COPA: variants seen among roughly 807,000 people sequenced by gnomAD.
COPA encodes the protein coatomer subunit alpha.
In COPA, 10 loss-of-function variants were observed where a neutral mutation model predicts 158.7. The observed-to-expected ratio is 0.06, with a 90% CI of 0.04 to 0.11. The LOEUF is 0.11. Ranked by LOEUF, COPA falls within the 10% of genes least tolerant of loss-of-function variation. The pLI is 1.00. For missense variants in COPA, 1,065 were observed against 1,536.7 expected, an observed-to-expected ratio of 0.69 and a Z score of 5.13; for synonymous variants, 462 against 542.8, an observed-to-expected ratio of 0.85 and a Z score of 2.07.
Position 160,290,597 on chromosome 1 carries a change from A to G in COPA, c.3510T>C (p.Ala1170=). 1 of 1,614,242 alleles carries G rather than the reference A, an allele frequency of 6.2e-7. No homozygotes were observed. ...CACGGTAGATGGGCCGATATGATGC[A>G]GCACAAATGTCAAAGGGGTTGTGCA... The part of the protein sequence containing the change: ...YDMHNPFDIC[A]ASYRPIYRGK... Residue 1170 remains alanine (A), a synonymous_variant, in exon 32 of 33, where the codon GCT becomes GCC. Transcript: ENST00000241704.
At chr1:160,300,898 C>G (rs1041288704) in intron 17 of COPA, among the ~76,000 whole-genome samples, 1 of 152,078 alleles carries the variant, frequency 6.6e-6, no homozygotes, top group Non-Finnish European at 1.5e-5. Flanking sequence ...GCAGGCGGAT[C>G]ACCTGAGGTC....
intron 17 of COPA, among the ~76,000 whole-genome samples, chr1:160,302,344 T>A (rs1440756192): frequency 6.6e-6 from 1 of 151,982 alleles, no homozygotes; most frequent in Non-Finnish European, 1.5e-5. Flanking sequence ...AAATGCAAGA[T>A]CTCTATAGAG....
chr1:160,313,892 T>C lies in COPA; in HGVS notation c.842+98A>G, dbSNP rs1218031495. The C allele has an allele frequency of 4.3e-6, 5 of 1,155,994 alleles. No individual in the cohort carries two copies. The African/African-American group carries it at 7.9e-5, about 18-fold the overall frequency. 71.6% of individuals were successfully genotyped at this position (1,155,994 alleles called of 1,614,324 possible). On this transcript the variant is annotated intron_variant, in intron 9 of 32. Transcript: ENST00000241704. ...TTCATAATATATGATTTGATTTGTCTACATGCTGAAGATGATGAGAGACAT... is the reference window on the plus strand; with the variant it reads ...TTCATAATATATGATTTGATTTGTCCACATGCTGAAGATGATGAGAGACAT...
At chr1:160,295,556 A>G (rs1026989039) in intron 23 of COPA, among the ~76,000 whole-genome samples, 180 bp downstream of exon 23, 1 of 152,148 alleles carries the variant, frequency 6.6e-6, no homozygotes, top group Non-Finnish European at 1.5e-5. Flanking sequence ...ATTTTCTTTA[A>G]TGACCTGAAA....
intron 32 of COPA, 136 bp downstream of exon 32, chr1:160,290,356 G>T: frequency 7.4e-7 from 1 of 1,356,128 alleles, no homozygotes; most frequent in Non-Finnish European, 1.0e-6. Flanking sequence ...GCAGTGGGGA[G>T]ATGCTCTAGC....
In COPA at chr1:160,335,322, C is replaced by T; in HGVS notation, c.229G>A (p.Val77Ile). 1.9e-6 allele frequency: 3 copies of T among 1,607,688 alleles called. No individual in the cohort carries two copies. Among genetic ancestry groups the T allele is most frequent in the Non-Finnish European group, 1.7e-6 (2 of 1,177,200 alleles). The change falls in exon 4 of 33, where the codon GTT becomes ATT. Residue 77 changes from valine (V) to isoleucine (I), a missense_variant and splice_region_variant. Transcript: ENST00000241704. ...CAGCGCCGAAGCTTGTAATTCCAAA[C>T]CTGCAAAGACAAATCAAACTAAGAA... ...VSGGDDYKIK[V>I]WNYKLRRCLF...
intron 1 of COPA, among the ~76,000 whole-genome samples, chr1:160,342,422 G>A (rs974800502): frequency 3.3e-5 from 5 of 151,938 alleles, no homozygotes; most frequent in African/African-American, 1.2e-4. Context: ...CACCCCCAAC[G>A]ACCCACACTC....
intron 6 of COPA, among the ~76,000 whole-genome samples, chr1:160,331,648 CAAA>C (rs59093132): frequency 1.0e-5 from 1 of 95,838 alleles, no homozygotes. Flanking sequence ...GACTCCATCT[CAAA>C]AAAAAAAAAA....
Position 160,298,502 on chromosome 1 carries a change from G to A in COPA, c.1977+343C>T, listed in dbSNP as rs183942944. Among the ~76,000 whole-genome samples, 191 of 152,268 alleles carry A rather than the reference G, an allele frequency of 1.3e-3. 1 individual carries two copies. The highest frequency in any genetic ancestry group is 4.1e-3 in the African/African-American group (170 of 41,560). ...ATGCCTATACATTCTAGGCCCCAAC[G>A]CTTAGTAGGTACTCTTTCATCTAAG... is the stretch of plus-strand genomic sequence containing the variant. On this transcript the variant is annotated intron_variant, in intron 19 of 32. Transcript: ENST00000241704.
At chr1:160,307,670 G>A (rs1658834194) in intron 13 of COPA, among the ~76,000 whole-genome samples, 1 of 152,192 alleles carries the variant, frequency 6.6e-6, no homozygotes, top group Admixed American at 6.5e-5. Context: ...TTCCTAGTAG[G>A]GCAGGGTGAG....
chr1:160,340,763 T>C (rs1648004868), intron 1 of COPA, among the ~76,000 whole-genome samples: 2 of 152,188 alleles, frequency 1.3e-5, no homozygotes, highest in Non-Finnish European at 2.9e-5. Flanking sequence ...CCAGTGGTCC[T>C]TTTTCAGGTT....
intron 6 of COPA, among the ~76,000 whole-genome samples, chr1:160,329,535 G>A (rs1647405991): frequency 1.3e-5 from 2 of 151,906 alleles, no homozygotes; most frequent in South Asian, 4.2e-4. Context: ...CCAACCACCT[G>A]ACTGCCCCCA....
chr1:160,319,742 AC>A (rs1659269765), intron 8 of COPA, among the ~76,000 whole-genome samples: 1 of 152,040 alleles, frequency 6.6e-6, no homozygotes. Context: ...AAATACAAAC[AC>A]ATGTAAGTTA....
At chr1:160,324,625 C>T (rs941612518) in intron 7 of COPA, among the ~76,000 whole-genome samples, 1 of 151,940 alleles carries the variant, frequency 6.6e-6, no homozygotes, top group Non-Finnish European at 1.5e-5. Context: ...CTTATTCTTT[C>T]GTAAGTATAC....
At chr1:160,310,395 GAATA>G (rs755105726) in intron 11 of COPA, 137 bp from the exon 12 acceptor site, 217 of 472,946 alleles carry the variant, frequency 4.6e-4, no homozygotes, top group Non-Finnish European at 7.2e-4. Context: ...GGAATAAAAT[GAATA>G]AATATTGTAT....
intron 8 of COPA, 76 bp downstream of exon 8, chr1:160,323,355 T>A: frequency 8.5e-7 from 1 of 1,175,138 alleles, no homozygotes; most frequent in Non-Finnish European, 1.2e-6. Flanking sequence ...TAGGTCAGAG[T>A]CCAGAAGACC....
intron 7 of COPA, among the ~76,000 whole-genome samples, chr1:160,324,090 C>T (rs1234508133): frequency 1.3e-5 from 2 of 151,928 alleles, no homozygotes; most frequent in Admixed American, 1.3e-4. Context: ...CTTGAACTCC[C>T]GGCCTCATGA....
At chr1:160,302,679 T>G (rs1048852889) in intron 17 of COPA, among the ~76,000 whole-genome samples, 1 of 150,958 alleles carries the variant, frequency 6.6e-6, no homozygotes, top group South Asian at 2.1e-4. Context: ...ATCAGCCTCC[T>G]GAGCAGCTGG....
chr1:160,335,764 T>C lies in COPA; in HGVS notation c.229-442A>G, dbSNP rs574055848. On this transcript the variant is annotated intron_variant, in intron 3 of 32. Transcript: ENST00000241704. ...CAGGCGTGGTGGCATGTGCCTGTAG[T>C]CCCAGCTACTCGGGAGGCTGAGGCA... Among the ~76,000 whole-genome samples the C allele has an allele frequency of 2.7e-5, 4 of 150,712 alleles. No individual in the cohort carries two copies. In the Admixed American group the frequency reaches 2.7e-4, roughly 10 times the overall value.
Sources: allele counts gnomAD v4.1 joint callset (sites outside exome capture counted in the v4.1 genomes callset), GRCh38; gene constraint gnomAD v4.1.1; transcripts MANE v1.5; gene names NCBI Gene and HGNC (gene_info 2026-07-23, HGNC 2026-07-21).